Variants in CACNA2D3 observed in about 807,000 individuals in gnomAD.
The protein encoded by CACNA2D3 is voltage-dependent calcium channel subunit alpha-2/delta-3.
A neutral mutation model predicts 160.6 loss-of-function variants in CACNA2D3; 60 were observed. That is an observed-to-expected ratio of 0.37 (90% confidence interval 0.30 to 0.46). CACNA2D3 has a LOEUF of 0.46. Among genes scored for constraint, CACNA2D3 ranks in the 20% least tolerant of loss-of-function variants. CACNA2D3 has a pLI of 1.00. For missense variants in CACNA2D3, 1,205 were observed against 1,365.0 expected (o/e 0.88, Z 1.85); for synonymous variants, 558 against 492.9 (o/e 1.13, Z -1.75).
chr3:54,478,784 G>A lies in CACNA2D3; in HGVS notation c.382-24708G>A, dbSNP rs368922537. 5.0e-4 allele frequency among the ~76,000 whole-genome samples: 73 copies of A among 147,446 alleles called. 1 individual carries two copies. In the South Asian group the frequency reaches 0.015, roughly 30 times the overall value. On this transcript the variant is annotated intron_variant, in intron 4 of 37. Transcript: ENST00000474759. ...TACACTACTCACCCATTAGTCAGGCGGCTCAATTATCAGATCTGCTGTTGT... is the reference window on the plus strand; with the variant it reads ...TACACTACTCACCCATTAGTCAGGCAGCTCAATTATCAGATCTGCTGTTGT...
chr3:54,586,522 A>G (rs1365640859), intron 9 of CACNA2D3, among the ~76,000 whole-genome samples: 2 of 152,206 alleles, frequency 1.3e-5, no homozygotes, highest in East Asian at 3.9e-4. Flanking sequence ...TTCAAAATAC[A>G]CAAAGCAGAA....
intron 5 of CACNA2D3, among the ~76,000 whole-genome samples, chr3:54,523,218 A>G (rs577848223): frequency 6.6e-6 from 1 of 152,320 alleles, no homozygotes; most frequent in South Asian, 2.1e-4. Context: ...GTCACCTTCT[A>G]TTCCTAGTTT....
chr3:54,497,018 A>T (rs1037134757), intron 4 of CACNA2D3, among the ~76,000 whole-genome samples: 1 of 152,124 alleles, frequency 6.6e-6, no homozygotes, highest in Non-Finnish European at 1.5e-5. Flanking sequence ...TTTGATTTAG[A>T]GGAAGGCCCA....
At chr3:54,185,743 A>G (rs1700869528) in intron 2 of CACNA2D3, among the ~76,000 whole-genome samples, 1 of 152,170 alleles carries the variant, frequency 6.6e-6, no homozygotes, top group African/African-American at 2.4e-5. Context: ...TGTTCTAATA[A>G]AACTTTATTT....
chr3:54,961,425 T>G (rs562596605), intron 27 of CACNA2D3, among the ~76,000 whole-genome samples: 92 of 152,352 alleles, frequency 6.0e-4, no homozygotes, highest in African/African-American at 2.2e-3. Context: ...AATTTATTTA[T>G]TATTAACTTA....
chr3:54,463,795 T>A (rs1217205234), intron 4 of CACNA2D3, among the ~76,000 whole-genome samples: 3 of 152,224 alleles, frequency 2.0e-5, no homozygotes, highest in Non-Finnish European at 4.4e-5. Flanking sequence ...TCCATCCAGC[T>A]TTGTTCCGTT....
chr3:54,947,087 A>T (rs116598770), intron 27 of CACNA2D3, among the ~76,000 whole-genome samples: 2,895 of 152,324 alleles, frequency 0.019, 44 homozygotes, highest in Non-Finnish European at 0.031. Context: ...AAATACTATA[A>T]TACCAAAACT....
intron 4 of CACNA2D3, among the ~76,000 whole-genome samples, chr3:54,480,704 G>A (rs1272944960): frequency 2.0e-5 from 3 of 152,030 alleles, no homozygotes; most frequent in Admixed American, 2.0e-4. Context: ...CTCCATTTGG[G>A]GGTTCTTTTG....
chr3:54,913,095 G>GT (rs1371092762), intron 27 of CACNA2D3, among the ~76,000 whole-genome samples: 2 of 151,952 alleles, frequency 1.3e-5, no homozygotes, highest in African/African-American at 2.4e-5. Context: ...GTTTTGTGTT[G>GT]TTTTTTTGAG....
chr3:54,150,517 A>G lies in CACNA2D3; in HGVS notation c.204+26923A>G, dbSNP rs374705720. On this transcript the variant is annotated intron_variant, in intron 2 of 37. Transcript: ENST00000474759. Reference sequence around the variant, plus strand: ...TTCAGCAGTGTGACTATGTAGTCTAAGTTTGGGAACATACTGGTATCTCTG... The same window carrying G: ...TTCAGCAGTGTGACTATGTAGTCTAGGTTTGGGAACATACTGGTATCTCTG... 2.6e-5 allele frequency among the ~76,000 whole-genome samples: 4 copies of G among 152,212 alleles called. No individual in the cohort carries two copies. The East Asian group carries it at 7.7e-4, about 29-fold the overall frequency.
At chr3:54,842,893 G>A (rs1392600342) in intron 16 of CACNA2D3, among the ~76,000 whole-genome samples, 5 of 151,584 alleles carry the variant, frequency 3.3e-5, no homozygotes, top group Non-Finnish European at 5.9e-5. Flanking sequence ...GAGCCACTGC[G>A]CCCGACCACC....
intron 35 of CACNA2D3, among the ~76,000 whole-genome samples, chr3:55,067,573 CT>C (rs751189364): frequency 6.6e-6 from 1 of 152,154 alleles, no homozygotes; most frequent in Non-Finnish European, 1.5e-5. Context: ...ATACATTCTC[CT>C]TGTAGAGAAC....
Position 54,558,968 on chromosome 3 carries a change from G to C in CACNA2D3, c.545-3832G>C, listed in dbSNP as rs527673201. Among the ~76,000 whole-genome samples the C allele has an allele frequency of 3.3e-5, 5 of 152,028 alleles. No homozygotes were observed. In the East Asian group the frequency reaches 5.8e-4, roughly 18 times the overall value. On this transcript the variant is annotated intron_variant, in intron 5 of 37. Coordinates refer to ENST00000474759, the MANE Select transcript of CACNA2D3 (RefSeq NM_018398.3). ...TAGCCTGCCTTGGAGGTCTGCTGAG[G>C]GGGGATAGGAGGTAAAGTAAGCACC...
intron 5 of CACNA2D3, among the ~76,000 whole-genome samples, chr3:54,534,522 C>T (rs1434768970): frequency 6.6e-6 from 1 of 152,030 alleles, no homozygotes; most frequent in Non-Finnish European, 1.5e-5. Context: ...AAGCCTTTCC[C>T]GCTGTAATGG....
At chr3:54,477,065 G>T (rs944946063) in intron 4 of CACNA2D3, among the ~76,000 whole-genome samples, 2 of 152,064 alleles carry the variant, frequency 1.3e-5, no homozygotes, top group Non-Finnish European at 2.9e-5. Context: ...CCAGCCTAAG[G>T]CATGACTCAT....
At chr3:54,580,669 G>A (rs999137516) in intron 8 of CACNA2D3, among the ~76,000 whole-genome samples, 9 of 152,298 alleles carry the variant, frequency 5.9e-5, no homozygotes, top group Admixed American at 5.2e-4. Context: ...AAATAACACC[G>A]AAGGACCAGG....
intron 35 of CACNA2D3, among the ~76,000 whole-genome samples, chr3:55,019,788 C>T (rs564003641): frequency 4.6e-5 from 7 of 152,204 alleles, no homozygotes; most frequent in African/African-American, 1.2e-4. Context: ...TAAATAAAAG[C>T]GATGAGATTA....
At chr3:54,129,824 G>T (rs934144624) in intron 2 of CACNA2D3, among the ~76,000 whole-genome samples, 2 of 152,206 alleles carry the variant, frequency 1.3e-5, no homozygotes, top group Non-Finnish European at 2.9e-5. Flanking sequence ...CTTATTAAGT[G>T]TGTGTATGTG....
intron 35 of CACNA2D3, among the ~76,000 whole-genome samples, chr3:55,044,830 AG>A (rs2107196160): frequency 6.6e-6 from 1 of 152,296 alleles, no homozygotes; most frequent in South Asian, 2.1e-4. Flanking sequence ...TTATCAAAAA[AG>A]GTTGCTAAAG....
Sources: gnomAD v4.1 joint callset for allele counts (sites outside exome capture counted in the v4.1 genomes callset) on GRCh38, gnomAD v4.1.1 for gene constraint, MANE v1.5 for transcripts, NCBI Gene and HGNC (gene_info 2026-07-23, HGNC 2026-07-21) for gene names.